KLHL29: variants seen among roughly 807,000 people sequenced by gnomAD.
The protein encoded by KLHL29 is kelch like family member 29.
In KLHL29, 21 loss-of-function variants were observed where a neutral mutation model predicts 80.4. The ratio of observed to expected loss-of-function variants is 0.26; its 90% CI spans 0.19 to 0.38. The LOEUF (loss-of-function observed/expected upper bound fraction) is 0.38, where lower values mean the gene tolerates loss of function less well. Among genes scored for constraint, KLHL29 ranks in the 10% least tolerant of loss-of-function variants. The pLI is 1.00. For synonymous variants in KLHL29, 511 were observed against 526.8 expected (o/e 0.97, Z 0.41); for missense variants, 867 against 1,223.9 (o/e 0.71, Z 4.35).
At chr2:23,440,058 T>C (rs1663466670) in intron 1 of KLHL29, among the ~76,000 whole-genome samples, 2 of 151,800 alleles carry the variant, frequency 1.3e-5, no homozygotes, top group African/African-American at 4.8e-5. Flanking sequence ...CCCTTTACCA[T>C]TATGTAATGG....
chr2:23,471,862 G>A (rs6708997), intron 1 of KLHL29, among the ~76,000 whole-genome samples: 2,455 of 152,100 alleles, frequency 0.016, 58 homozygotes, highest in African/African-American at 0.055. Context: ...CATGATCTTT[G>A]GAAACGTTAA....
intron 2 of KLHL29, among the ~76,000 whole-genome samples, chr2:23,522,307 G>A (rs1470860398): frequency 1.3e-5 from 2 of 151,958 alleles, no homozygotes; most frequent in Admixed American, 6.6e-5. Flanking sequence ...GTACCATCAC[G>A]CCTGGCTAAT....
At chr2:23,389,701 G>GT (rs1368787147) in intron 1 of KLHL29, among the ~76,000 whole-genome samples, 2 of 151,996 alleles carry the variant, frequency 1.3e-5, no homozygotes, top group African/African-American at 4.8e-5. Flanking sequence ...AAAAAAAAAG[G>GT]GGGGGGCGGA....
At chr2:23,402,383 T>G (rs925401948) in intron 1 of KLHL29, among the ~76,000 whole-genome samples, 1 of 151,756 alleles carries the variant, frequency 6.6e-6, no homozygotes, top group African/African-American at 2.4e-5. Context: ...AAAGATAAAC[T>G]TTGCTCCATT....
chr2:23,444,301 T>A (rs891941408), intron 1 of KLHL29, among the ~76,000 whole-genome samples: 4 of 152,182 alleles, frequency 2.6e-5, no homozygotes, highest in African/African-American at 9.7e-5. Context: ...TTTTACCTTT[T>A]TATATATATT....
intron 1 of KLHL29, among the ~76,000 whole-genome samples, chr2:23,386,135 C>G (rs1241520814): frequency 6.6e-6 from 1 of 152,084 alleles, no homozygotes; most frequent in Non-Finnish European, 1.5e-5. Flanking sequence ...CCCGGCGGCG[C>G]GCGCCCCTCT....
intron 2 of KLHL29, among the ~76,000 whole-genome samples, chr2:23,548,312 C>T (rs905299192): frequency 6.6e-6 from 1 of 151,794 alleles, no homozygotes; most frequent in Non-Finnish European, 1.5e-5. Context: ...GGCACACACA[C>T]ACACAGACAC....
In KLHL29 at chr2:23,696,078, C is replaced by T; in HGVS notation, c.1869C>T (p.Phe623=). Residue 623 remains phenylalanine, a synonymous_variant, in exon 10 of 14, where the codon TTC becomes TTT. Transcript: ENST00000486442. This position sits in a 1 kb window ranked among gnomAD's most constrained non-coding sequence, Gnocchi z 5.5. ...NKWYPLASLP[F]YDREFFSVVS... Reference sequence around the variant, plus strand: ...GGTACCCCTTGGCCTCGCTGCCCTTCTATGACCGCGAGTTCTTCAGTGTAG... The same window carrying T: ...GGTACCCCTTGGCCTCGCTGCCCTTTTATGACCGCGAGTTCTTCAGTGTAG... 3 of 1,551,846 alleles carry T rather than the reference C, an allele frequency of 1.9e-6. No homozygotes were observed. Among genetic ancestry groups the T allele is most frequent in the Middle Eastern group, 3.3e-4 (2 of 5,994 alleles).
At chr2:23,452,907 C>CCA (rs1553325455) in intron 1 of KLHL29, among the ~76,000 whole-genome samples, 5 of 139,650 alleles carry the variant, frequency 3.6e-5, no homozygotes, top group Admixed American at 1.4e-4. Flanking sequence ...TGGTCACCCC[C>CCA]CCGCCCACAC....
Position 23,706,702 on chromosome 2 carries a change from C to G in KLHL29, c.*38C>G. 3.5e-6 allele frequency: 5 copies of G among 1,424,736 alleles called. No homozygotes were observed. The highest frequency in any genetic ancestry group is 4.6e-6 in the Non-Finnish European group (5 of 1,079,726). 88.3% of individuals were successfully genotyped at this position (1,424,736 alleles called of 1,614,324 possible). ...GCCCACGATAAGACTGTGGACAAGT[C>G]TGGTGAGGCAAGTGCCACGCAATGA... On this transcript the variant is annotated 3_prime_UTR_variant, in exon 14 of 14. Transcript: ENST00000486442.
intron 1 of KLHL29, among the ~76,000 whole-genome samples, chr2:23,418,581 A>T (rs541507516): frequency 1.3e-5 from 2 of 152,308 alleles, no homozygotes; most frequent in African/African-American, 4.8e-5. Context: ...ACTGTTGCTG[A>T]CACAGGAATT....
intron 3 of KLHL29, among the ~76,000 whole-genome samples, chr2:23,604,184 C>G (rs1348909258): frequency 2.0e-5 from 3 of 152,102 alleles, no homozygotes; most frequent in Non-Finnish European, 2.9e-5. Flanking sequence ...CAGAGTCTCA[C>G]TCTTTCGCCC....
chr2:23,547,126 G>A (rs546993257), intron 2 of KLHL29, among the ~76,000 whole-genome samples: 15 of 152,290 alleles, frequency 9.8e-5, no homozygotes, highest in African/African-American at 3.4e-4. Flanking sequence ...CTCTGCACAC[G>A]GAGGCTGTCT....
At chr2:23,445,260 A>G (rs988503623) in intron 1 of KLHL29, among the ~76,000 whole-genome samples, 2 of 152,204 alleles carry the variant, frequency 1.3e-5, no homozygotes, top group Non-Finnish European at 2.9e-5. Flanking sequence ...TCCTATATAG[A>G]TAACCATTTT....
In KLHL29 at chr2:23,405,550, C is replaced by G. The variant is rs1360349459; in HGVS notation, c.-154+19770C>G. On this transcript the variant is annotated intron_variant, in intron 1 of 13. Transcript: ENST00000486442. ...AACTTCATCAGGGACTGGTTCTGGT[C>G]AGGGGCTGGCATCCAGTTCCACAGA... 5.3e-5 allele frequency among the ~76,000 whole-genome samples: 8 copies of G among 152,182 alleles called. No individual in the cohort carries two copies. The East Asian group carries it at 1.2e-3, about 22-fold the overall frequency.
chr2:23,422,573 C>T (rs536902959), intron 1 of KLHL29, among the ~76,000 whole-genome samples: 1 of 148,088 alleles, frequency 6.8e-6, no homozygotes, highest in South Asian at 2.2e-4. Flanking sequence ...GTGTATGTGT[C>T]CCTGTCTGTG....
At chr2:23,606,280 C>T (rs747103220) in intron 3 of KLHL29, among the ~76,000 whole-genome samples, 3 of 151,950 alleles carry the variant, frequency 2.0e-5, no homozygotes, top group South Asian at 2.1e-4. Flanking sequence ...AGAACGTTCC[C>T]GGGCCTTGCA....
intron 2 of KLHL29, among the ~76,000 whole-genome samples, chr2:23,516,839 C>T (rs1394771880): frequency 6.6e-6 from 1 of 151,820 alleles, no homozygotes; most frequent in Non-Finnish European, 1.5e-5. Flanking sequence ...ACAGTTTGAT[C>T]TGGGGTGAGG....
intron 2 of KLHL29, among the ~76,000 whole-genome samples, chr2:23,476,867 A>T (rs1301864293): frequency 6.6e-6 from 1 of 152,232 alleles, no homozygotes; most frequent in African/African-American, 2.4e-5. Flanking sequence ...AGAATCCGTG[A>T]TCTGGGATCT....
Sources: gnomAD v4.1 joint callset for allele counts (sites outside exome capture counted in the v4.1 genomes callset) on GRCh38, gnomAD v4.1.1 for gene constraint, Gnocchi (gnomAD v3.1) non-coding constraint, MANE v1.5 for transcripts, NCBI Gene and HGNC (gene_info 2026-07-23, HGNC 2026-07-21) for gene names.